CFAP100: variants seen among roughly 807,000 people sequenced by gnomAD.
CFAP100 encodes the protein cilia- and flagella-associated protein 100.
A neutral mutation model predicts 81.5 loss-of-function variants in CFAP100; 70 were observed. That is an observed-to-expected ratio of 0.86 (90% confidence interval 0.71 to 1.05). CFAP100 has a LOEUF of 1.05. Ranked by LOEUF, CFAP100 falls within the 50% of genes least tolerant of loss-of-function variation. The probability of loss-of-function intolerance (pLI) is 0.00; values close to 1 mark genes in which losing one functional copy is unlikely to be tolerated. For synonymous variants in CFAP100, 341 were observed against 314.8 expected, an observed-to-expected ratio of 1.08 and a Z score of -0.88; for missense variants, 811 against 776.5, an observed-to-expected ratio of 1.04 and a Z score of -0.53.
In CFAP100 at chr3:126,434,233, G is replaced by A. The variant is rs148372855; in HGVS notation, c.1480G>A (p.Gly494Ser). 57 of 1,613,752 alleles carry A rather than the reference G, an allele frequency of 3.5e-5. No individual in the cohort carries two copies. In the African/African-American group the frequency reaches 3.6e-4, roughly 10 times the overall value. ...KVLDVYRHCTGTQQEANLGTV... is the reference protein window; with the variant it reads ...KVLDVYRHCTSTQQEANLGTV... The stretch of plus-strand genomic sequence containing the variant: ...GCTGGATGTGTACCGGCACTGCACC[G>A]GCACCCAGCAGGAGGCCAACCTGGG... The change falls in exon 15 of 17, where the codon GGC becomes AGC. Residue 494 changes from glycine (G) to serine (S), a missense_variant. By Grantham distance (56) the Gly-to-Ser change is moderately conservative. Transcript: ENST00000352312.
chr3:126,404,435 T>A (rs189886685), intron 2 of CFAP100, among the ~76,000 whole-genome samples: 2 of 152,320 alleles, frequency 1.3e-5, no homozygotes, highest in African/African-American at 4.8e-5. Flanking sequence ...AATTTCAGCA[T>A]CCTTCTATGG....
At chr3:126,412,050 A>T (rs2107597860) in intron 3 of CFAP100, among the ~76,000 whole-genome samples, 1 of 152,270 alleles carries the variant, frequency 6.6e-6, no homozygotes, top group South Asian at 2.1e-4. Context: ...AACACTATGA[A>T]CTTTCCTCTT....
At position 126,418,646 on chromosome 3, in the gene CFAP100, G is replaced by A. The variant is rs1285788852; in HGVS notation, c.522G>A (p.Arg174=). ...ATGTCAAGCGGAGAGAGATCCAGCG[G>A]CTGGAGACGCTGGCGACCAAAGAGG... ...ALDVKRREIQ[R]LETLATKEEA... The change falls in exon 7 of 17, where the codon CGG becomes CGA. Residue 174 remains arginine (R), a synonymous_variant. Transcript: ENST00000352312. The A allele has an allele frequency of 2.5e-6, 4 of 1,587,646 alleles. No homozygotes were observed. The highest frequency in any genetic ancestry group is 3.4e-6 in the Non-Finnish European group (4 of 1,168,336).
intron 5 of CFAP100, 115 bp from the exon 6 acceptor site, chr3:126,418,343 G>A (rs2083274266): frequency 1.2e-6 from 1 of 834,454 alleles, no homozygotes; most frequent in Admixed American, 1.9e-5. Context: ...GTAGTCACCT[G>A]GGCGTGGACG....
In CFAP100 at chr3:126,433,196, G is replaced by T; in HGVS notation, c.1414G>T (p.Asp472Tyr). 1 of 1,614,024 alleles carries T rather than the reference G, an allele frequency of 6.2e-7. No homozygotes were observed. The highest frequency in any genetic ancestry group is 2.2e-5 in the East Asian group (1 of 44,858). Residue 472 changes from aspartate (D) to tyrosine (Y), a missense_variant, in exon 14 of 17, where the codon GAT (aspartate) becomes TAT (tyrosine). Asp to Tyr is a radical substitution (Grantham distance 160, BLOSUM62 -3). Transcript: ENST00000352312. ...RVFHFGEYKG[D>Y]QQDKLLESLN... is the part of the protein sequence containing the mutation. ...CTTCCACTTCGGCGAGTACAAGGGCGATCAGCAGGTAGGCTGGGGATCAAG... is the reference window on the plus strand; with the variant it reads ...CTTCCACTTCGGCGAGTACAAGGGCTATCAGCAGGTAGGCTGGGGATCAAG...
At chr3:126,431,328 T>G (rs183557999) in intron 13 of CFAP100, among the ~76,000 whole-genome samples, 1 of 152,296 alleles carries the variant, frequency 6.6e-6, no homozygotes, top group African/African-American at 2.4e-5. Context: ...AAGGCAGAGA[T>G]GAGAGAGAAA....
intron 2 of CFAP100, chr3:126,396,636 C>T (rs2082892805): frequency 6.5e-6 from 1 of 153,496 alleles, no homozygotes; most frequent in Non-Finnish European, 1.5e-5. Context: ...TGGGATGACA[C>T]AGTTCAACCC....
At chr3:126,403,831 T>A (rs866006452) in intron 2 of CFAP100, among the ~76,000 whole-genome samples, 4 of 151,976 alleles carry the variant, frequency 2.6e-5, no homozygotes, top group African/African-American at 4.8e-5. Context: ...GAAAACACCA[T>A]TTTTTTTTCT....
Position 126,433,221 on chromosome 3 carries a change from G to T in CFAP100, c.1422+17G>T. ...GATCAGCAGGTAGGCTGGGGATCAA[G>T]GTGGCCAGAGGCCCAGGGTAAGGAG... On this transcript the variant is annotated intron_variant, in intron 14 of 16. Transcript: ENST00000352312. 6.2e-7 allele frequency: 1 copy of T among 1,613,802 alleles called. No homozygotes were observed. The highest frequency in any genetic ancestry group is 8.5e-7 in the Non-Finnish European group (1 of 1,179,824).
At chr3:126,419,590 A>G in intron 8 of CFAP100, 47 bp from the exon 9 acceptor site, 1 of 1,574,120 alleles carries the variant, frequency 6.4e-7, no homozygotes, top group Non-Finnish European at 8.7e-7. Context: ...TCGCTGTGGC[A>G]GAGGCTGACC....
intron 13 of CFAP100, 120 bp downstream of exon 13, chr3:126,423,764 G>A (rs1356040770): frequency 1.8e-5 from 22 of 1,252,058 alleles, no homozygotes; most frequent in Non-Finnish European, 2.5e-5. Context: ...GCCTGGTCCA[G>A]GTTGTCTGAA....
intron 3 of CFAP100, among the ~76,000 whole-genome samples, chr3:126,410,892 C>T (rs2083143140): frequency 6.6e-6 from 1 of 152,232 alleles, no homozygotes; most frequent in Non-Finnish European, 1.5e-5. Flanking sequence ...GCACAAATAG[C>T]TCATCTTACA....
chr3:126,435,205 G>T (rs1162538822), intron 15 of CFAP100, among the ~76,000 whole-genome samples: 2 of 152,158 alleles, frequency 1.3e-5, no homozygotes, highest in Non-Finnish European at 2.9e-5. Flanking sequence ...GGCCTTCATG[G>T]TGGCAAGGGA....
intron 13 of CFAP100, among the ~76,000 whole-genome samples, chr3:126,428,698 G>A (rs573163413): frequency 6.6e-6 from 1 of 152,118 alleles, no homozygotes; most frequent in Non-Finnish European, 1.5e-5. Flanking sequence ...GTTCATAGGG[G>A]ATATTGGCCT....
chr3:126,416,074 G>A (rs2083231752), intron 4 of CFAP100, among the ~76,000 whole-genome samples: 1 of 152,182 alleles, frequency 6.6e-6, no homozygotes, highest in African/African-American at 2.4e-5. Context: ...TGTGGGTCTG[G>A]AGTGCTCATC....
chr3:126,407,073 C>T, intron 2 of CFAP100, 99 bp from the exon 3 acceptor site: 1 of 737,302 alleles, frequency 1.4e-6, no homozygotes. Flanking sequence ...TGAGGTTGAG[C>T]CTTTGTGTGT....
Position 126,409,118 on chromosome 3 carries a change from A to G in CFAP100, c.130+1866A>G, listed in dbSNP as rs535049014. Among the ~76,000 whole-genome samples, 5 of 152,252 alleles carry G rather than the reference A, an allele frequency of 3.3e-5. No individual in the cohort carries two copies. The South Asian group carries it at 1.0e-3, about 32-fold the overall frequency. ...TTATGAGTTTTGACAAATGTGTACA[A>G]TGTGTTTCCTCCACCCTATGAAGAT... is the stretch of plus-strand genomic sequence containing the variant. On this transcript the variant is annotated intron_variant, in intron 3 of 16. Transcript: ENST00000352312.
chr3:126,426,610 C>T (rs999044480), intron 13 of CFAP100, among the ~76,000 whole-genome samples: 2 of 151,910 alleles, frequency 1.3e-5, no homozygotes, highest in Non-Finnish European at 1.5e-5. Context: ...ATTAGCTGGG[C>T]GTGGTGGTGC....
chr3:126,418,901 G>C (rs1576634765), intron 7 of CFAP100, 127 bp downstream of exon 7: 2 of 1,253,262 alleles, frequency 1.6e-6, no homozygotes, highest in East Asian at 5.1e-5. Context: ...ACCAGGGCCG[G>C]TCGGGAGCCA....
Sources: allele counts gnomAD v4.1 joint callset (sites outside exome capture counted in the v4.1 genomes callset), GRCh38; gene constraint gnomAD v4.1.1; transcripts MANE v1.5; gene names NCBI Gene and HGNC (gene_info 2026-07-23, HGNC 2026-07-21).